Variants in ZNF536 observed in about 807,000 individuals in gnomAD.
ZNF536 encodes the protein zinc finger protein 536.
A neutral mutation model predicts 84.5 loss-of-function variants in ZNF536; 13 were observed. The ratio of observed to expected loss-of-function variants is 0.15; its 90% confidence interval spans 0.10 to 0.24. ZNF536 has a LOEUF of 0.24. ZNF536 is among the 10% of genes least tolerant of loss of function. The pLI, the probability that ZNF536 is intolerant of heterozygous loss-of-function variation, is 1.00. For missense variants in ZNF536, 1,536 were observed against 1,747.5 expected, an observed-to-expected ratio of 0.88 and a Z score of 2.16; for synonymous variants, 811 against 742.5, an observed-to-expected ratio of 1.09 and a Z score of -1.50.
chr19:30,297,113 A>G lies in ZNF536; in HGVS notation c.-120+12972A>G, dbSNP rs1342089799. Among the ~76,000 whole-genome samples the G allele has an allele frequency of 2.0e-5, 3 of 152,024 alleles. 1 individual carries two copies. Among genetic ancestry groups the G allele is most frequent in the African/African-American group, 7.2e-5 (3 of 41,386 alleles). On this transcript the variant is annotated intron_variant, in intron 2 of 5. Coordinates refer to the ZNF536 transcript ENST00000585628. ...AAACATCTCCCTCCTCCTCCAAGAGATTTTCAAAAGAGTCTTGAAGCTCAG... is the reference window on the plus strand; with the variant it reads ...AAACATCTCCCTCCTCCTCCAAGAGGTTTTCAAAAGAGTCTTGAAGCTCAG...
At chr19:30,352,139 G>A (rs1466833778) in intron 2 of ZNF536, among the ~76,000 whole-genome samples, 2 of 152,172 alleles carry the variant, frequency 1.3e-5, no homozygotes, top group African/African-American at 4.8e-5. Context: ...AGCTTTTATT[G>A]ATCTGATGAA....
At chr19:30,389,820 A>G (rs1328786162) in intron 1 of ZNF536, among the ~76,000 whole-genome samples, 4 of 152,176 alleles carry the variant, frequency 2.6e-5, no homozygotes, top group African/African-American at 4.8e-5. Context: ...CCAGCTCCCT[A>G]TCTTCCAGAA....
chr19:30,231,425 G>A (rs531408617), intron 1 of ZNF536, among the ~76,000 whole-genome samples: 9 of 152,348 alleles, frequency 5.9e-5, no homozygotes, highest in Non-Finnish European at 1.0e-4. Flanking sequence ...TGTGAGTGGA[G>A]GGGCTTCCTC....
chr19:30,697,031 G>A (rs190715593), intron 1 of ZNF536, among the ~76,000 whole-genome samples: 1 of 152,268 alleles, frequency 6.6e-6, no homozygotes, highest in Admixed American at 6.5e-5. Context: ...AACAAAAGAG[G>A]TCTAATTGAC....
intron 1 of ZNF536, among the ~76,000 whole-genome samples, chr19:30,241,332 C>T (rs1014423306): frequency 2.6e-5 from 4 of 152,132 alleles, no homozygotes; most frequent in African/African-American, 7.2e-5. Context: ...GAAACAAAAA[C>T]GAAACCCAAA....
chr19:30,670,963 C>T (rs563212138), intron 1 of ZNF536, among the ~76,000 whole-genome samples: 3 of 152,292 alleles, frequency 2.0e-5, no homozygotes, highest in Admixed American at 6.5e-5. Context: ...CCCATTCTGC[C>T]CATCCCTAGG....
intron 2 of ZNF536, among the ~76,000 whole-genome samples, chr19:30,486,196 A>C (rs2054295728): frequency 6.6e-6 from 1 of 152,156 alleles, no homozygotes; most frequent in South Asian, 2.1e-4. Flanking sequence ...CTATCAACCT[A>C]TCACCTAGGT....
At chr19:30,249,995 A>G (rs1210480355) in intron 1 of ZNF536, among the ~76,000 whole-genome samples, 1 of 152,184 alleles carries the variant, frequency 6.6e-6, no homozygotes, top group Non-Finnish European at 1.5e-5. Context: ...ATGTAAGAAC[A>G]TGTTTTCTAT....
At chr19:30,605,246 C>T (rs1270581604) in intron 1 of ZNF536, among the ~76,000 whole-genome samples, 1 of 151,908 alleles carries the variant, frequency 6.6e-6, no homozygotes, top group Non-Finnish European at 1.5e-5. Context: ...GGGATAAGTT[C>T]TTTAGTGGTG....
chr19:30,562,604 A>C (rs1386166233), downstream of ZNF536, among the ~76,000 whole-genome samples: 1 of 152,054 alleles, frequency 6.6e-6, no homozygotes, highest in Non-Finnish European at 1.5e-5. Context: ...TGTATTTTTT[A>C]TGATGATCAG....
intron 2 of ZNF536, among the ~76,000 whole-genome samples, chr19:30,480,970 A>C (rs2054058611): frequency 1.3e-5 from 2 of 151,082 alleles, no homozygotes; most frequent in Non-Finnish European, 2.9e-5. Flanking sequence ...CGGAGGCTGC[A>C]GTGAGCCGAG....
chr19:30,435,489 G>A (rs562998515), intron 1 of ZNF536, among the ~76,000 whole-genome samples: 1 of 151,882 alleles, frequency 6.6e-6, no homozygotes, highest in South Asian at 2.1e-4. Context: ...TGCTGATGAT[G>A]ACGATGGTGA....
chr19:30,344,647 C>A (rs528249887), intron 2 of ZNF536, among the ~76,000 whole-genome samples: 2 of 150,110 alleles, frequency 1.3e-5, no homozygotes, highest in African/African-American at 4.9e-5. Flanking sequence ...GCGAGTCCCT[C>A]GCTTGGGCTG....
chr19:30,318,197 T>G (rs963688803), intron 2 of ZNF536, among the ~76,000 whole-genome samples: 1 of 152,230 alleles, frequency 6.6e-6, no homozygotes, highest in African/African-American at 2.4e-5. Context: ...CTCCCAACAC[T>G]GCATGAGGTT....
chr19:30,609,758 C>A (rs572568638), intron 1 of ZNF536, among the ~76,000 whole-genome samples: 35 of 134,068 alleles, frequency 2.6e-4, no homozygotes, highest in African/African-American at 9.7e-4. Context: ...ATCCACCTAT[C>A]CATCCACCCA....
chr19:30,260,105 A>T (rs2025131095), intron 1 of ZNF536, among the ~76,000 whole-genome samples: 1 of 152,014 alleles, frequency 6.6e-6, no homozygotes, highest in South Asian at 2.1e-4. Flanking sequence ...GAGATCATTT[A>T]TTGGGGTTTT....
At chr19:30,477,797 A>T (rs1389660983) in intron 2 of ZNF536, among the ~76,000 whole-genome samples, 1 of 152,206 alleles carries the variant, frequency 6.6e-6, no homozygotes, top group Non-Finnish European at 1.5e-5. Flanking sequence ...CTTGGTAGTT[A>T]TCACCTTCTA....
chr19:30,546,001 C>T lies in ZNF536; in HGVS notation c.2324-1942C>T, dbSNP rs576248237. On this transcript the variant is annotated intron_variant, in intron 3 of 4. Coordinates refer to ENST00000355537, the MANE Select transcript of ZNF536 (RefSeq NM_014717.3). Reference sequence around the variant, plus strand: ...CCCTCCCGCAGGGCTTGCTCTCACTCGTAGGGCAGGATCTTGAGTTTCTAG... The same window carrying T: ...CCCTCCCGCAGGGCTTGCTCTCACTTGTAGGGCAGGATCTTGAGTTTCTAG... Among the ~76,000 whole-genome samples, 16 of 152,340 alleles carry T rather than the reference C, an allele frequency of 1.1e-4. No individual in the cohort carries two copies. The East Asian group carries it at 1.4e-3, about 13-fold the overall frequency.
intron 2 of ZNF536, among the ~76,000 whole-genome samples, chr19:30,306,346 G>C (rs1020715194): frequency 4.6e-5 from 7 of 151,956 alleles, no homozygotes; most frequent in Non-Finnish European, 7.4e-5. Context: ...CTATTTCCTG[G>C]CTGAATATCT....
Sources: allele counts gnomAD v4.1 joint callset (sites outside exome capture counted in the v4.1 genomes callset), GRCh38; gene constraint gnomAD v4.1.1; transcripts MANE v1.5; gene names NCBI Gene and HGNC (gene_info 2026-07-23, HGNC 2026-07-21).